Variants in CAST observed in about 807,000 individuals in gnomAD.
CAST encodes the protein calpastatin.
In CAST, 76 loss-of-function variants were observed where a neutral mutation model predicts 119.6. That is an observed-to-expected ratio of 0.64 (90% CI 0.53 to 0.77). The LOEUF (loss-of-function observed/expected upper bound fraction) is 0.77. CAST is among the 30% of genes least tolerant of loss of function. The probability of loss-of-function intolerance (pLI) is 0.00; values close to 1 mark genes in which losing one functional copy is unlikely to be tolerated. For missense variants in CAST, 953 were observed against 946.5 expected, an observed-to-expected ratio of 1.01 and a Z score of -0.09; for synonymous variants, 319 against 331.6, an observed-to-expected ratio of 0.96 and a Z score of 0.41.
At chr5:96,239,000 C>T in the CAST span, among the ~76,000 whole-genome samples, 1 of 152,014 alleles carries the variant, frequency 6.6e-6, no homozygotes, top group South Asian at 2.1e-4. Context: ...TCCAAACTTC[C>T]TTTCAGATTG....
chr5:96,444,686 A>G, the CAST span, among the ~76,000 whole-genome samples: 1 of 152,100 alleles, frequency 6.6e-6, no homozygotes, highest in Non-Finnish European at 1.5e-5. Flanking sequence ...CATGGTTATA[A>G]TATCTTCTCA....
the CAST span, among the ~76,000 whole-genome samples, chr5:96,044,239 C>T: frequency 1.3e-5 from 2 of 152,158 alleles, no homozygotes; most frequent in Non-Finnish European, 2.9e-5. Context: ...GTGTTGAAAC[C>T]TAACCCCCAA....
At chr5:96,630,435 T>C (rs1302005992) in intron 1 of CAST, among the ~76,000 whole-genome samples, 1 of 152,146 alleles carries the variant, frequency 6.6e-6, no homozygotes, top group Non-Finnish European at 1.5e-5. Flanking sequence ...ACTTCTGAGC[T>C]AAGCATTAAA....
the CAST span, among the ~76,000 whole-genome samples, chr5:96,065,665 G>A: frequency 7.9e-5 from 12 of 152,156 alleles, no homozygotes; most frequent in African/African-American, 2.6e-4. Flanking sequence ...AGCATATTTG[G>A]TATACAAAGT....
At chr5:96,398,946 T>C in the CAST span, 1 of 1,612,926 alleles carries the variant, frequency 6.2e-7, no homozygotes, top group Non-Finnish European at 8.5e-7. Context: ...CTTCAAATTG[T>C]ACATGCTCCA....
chr5:96,280,421 G>A, the CAST span, among the ~76,000 whole-genome samples: 1 of 152,220 alleles, frequency 6.6e-6, no homozygotes, highest in African/African-American at 2.4e-5. Flanking sequence ...GACTAACAAT[G>A]AAGTAGAATT....
chr5:96,083,404 A>G, the CAST span, among the ~76,000 whole-genome samples: 47 of 152,290 alleles, frequency 3.1e-4, no homozygotes, highest in Non-Finnish European at 5.6e-4. Context: ...GGGTTTTATC[A>G]CTTCAACTGT....
chr5:96,711,459 A>G (rs1465973127), intron 3 of CAST, among the ~76,000 whole-genome samples: 1 of 152,118 alleles, frequency 6.6e-6, no homozygotes, highest in Non-Finnish European at 1.5e-5. Context: ...AATAGAAACA[A>G]ATAAATTTAA....
the CAST span, among the ~76,000 whole-genome samples, chr5:96,368,040 G>T: frequency 6.6e-6 from 1 of 152,000 alleles, no homozygotes; most frequent in East Asian, 1.9e-4. Flanking sequence ...GATTATATAA[G>T]TATCCAACAT....
chr5:96,021,116 A>G, the CAST span, among the ~76,000 whole-genome samples: 2 of 152,178 alleles, frequency 1.3e-5, no homozygotes, highest in African/African-American at 4.8e-5. Flanking sequence ...AAGTATTAGA[A>G]ATACAGAATG....
chr5:96,188,215 A>G, the CAST span, among the ~76,000 whole-genome samples: 1 of 152,236 alleles, frequency 6.6e-6, no homozygotes, highest in Non-Finnish European at 1.5e-5. Context: ...TTATAGGAAG[A>G]TTATAGAAAG....
chr5:95,979,968 A>T, the CAST span, among the ~76,000 whole-genome samples: 1 of 152,154 alleles, frequency 6.6e-6, no homozygotes, highest in East Asian at 1.9e-4. Context: ...AAATATAAAA[A>T]TTAGCCAGGC....
rs767589566 is a variant in CAST at position 96,767,990 on chromosome 5, C to A, written c.2259C>A (p.Asn753Lys). 6.2e-7 allele frequency: 1 copy of A among 1,608,386 alleles called. No individual in the cohort carries two copies. Among genetic ancestry groups the A allele is most frequent in the Non-Finnish European group, 8.5e-7 (1 of 1,174,900 alleles). Residue 753 changes from asparagine to lysine, a missense_variant, in exon 29 of 32, where the codon AAC (asparagine) becomes AAA (lysine). Asn to Lys is a moderately conservative substitution (Grantham distance 94). Coordinates refer to ENST00000675179, the MANE Select transcript of CAST (RefSeq NM_001750.7). The part of the protein sequence containing the change: ...SCPSTTETSQ[N>K]TAKDKCKKAA... ...CCTCCACTACAGAAACCTCACAGAACACAGCAAAGGTACTGTGCTTTTTCA... is the reference window on the plus strand; with the variant it reads ...CCTCCACTACAGAAACCTCACAGAAAACAGCAAAGGTACTGTGCTTTTTCA...
the CAST span, among the ~76,000 whole-genome samples, chr5:96,319,679 A>G: frequency 6.6e-6 from 1 of 152,110 alleles, no homozygotes; most frequent in Non-Finnish European, 1.5e-5. Context: ...CTTCTCTTCA[A>G]AGTTACCAGT....
chr5:96,246,027 C>A, the CAST span, among the ~76,000 whole-genome samples: 2 of 151,956 alleles, frequency 1.3e-5, no homozygotes, highest in African/African-American at 2.4e-5. Context: ...GGTAGTTGAA[C>A]TGAGAAGCCC....
chr5:96,408,216 G>A, the CAST span: 6 of 1,603,376 alleles, frequency 3.7e-6, no homozygotes, highest in Non-Finnish European at 5.1e-6. Context: ...AGCTTTCTGG[G>A]CCTTACTTTG....
chr5:96,064,522 G>A, the CAST span, among the ~76,000 whole-genome samples: 2 of 152,002 alleles, frequency 1.3e-5, no homozygotes, highest in East Asian at 1.9e-4. Context: ...CATTTAAATT[G>A]ATAATTAAAT....
At chr5:96,466,542 T>G in the CAST span, among the ~76,000 whole-genome samples, 1 of 151,148 alleles carries the variant, frequency 6.6e-6, no homozygotes, top group East Asian at 2.0e-4. Context: ...TCTCTTTTAT[T>G]CTTCCTGGGT....
At chr5:96,105,857 T>C in the CAST span, among the ~76,000 whole-genome samples, 1 of 152,212 alleles carries the variant, frequency 6.6e-6, no homozygotes, top group Non-Finnish European at 1.5e-5. Context: ...TGTGAATCCA[T>C]CTGGTACTGG....
Sources: gnomAD v4.1 joint callset for allele counts (sites outside exome capture counted in the v4.1 genomes callset) on GRCh38, gnomAD v4.1.1 for gene constraint, MANE v1.5 for transcripts, NCBI Gene and HGNC (gene_info 2026-07-23, HGNC 2026-07-21) for gene names.